The following LRP1B variants were observed in gnomAD, a reference collection of about 807,000 sequenced individuals.
The protein encoded by LRP1B is low-density lipoprotein receptor-related protein 1B.
In LRP1B, 217 loss-of-function variants were observed where a neutral mutation model predicts 556.6. That is an observed-to-expected ratio of 0.39 (90% CI 0.35 to 0.44). The LOEUF is 0.44. Among genes scored for constraint, LRP1B ranks in the 20% least tolerant of loss-of-function variants. The probability of loss-of-function intolerance (pLI) is 1.00; values close to 1 mark genes in which losing one functional copy is unlikely to be tolerated. For missense variants in LRP1B, 5,053 were observed against 5,620.8 expected (o/e 0.90, Z 3.23); for synonymous variants, 2,047 against 1,865.8 (o/e 1.10, Z -2.50).
intron 41 of LRP1B, chr2:140,683,840 G>T (rs1459449659): frequency 9.4e-6 from 6 of 641,044 alleles, no homozygotes; most frequent in South Asian, 1.7e-5. Context: ...GGCAGCAGCC[G>T]ACCCCGAAAC....
rs186201742 is a variant in LRP1B at position 140,326,395 on chromosome 2, T to C, written c.12224-517A>G. On this transcript the variant is annotated intron_variant, in intron 79 of 90. Coordinates refer to ENST00000389484, the MANE Select transcript of LRP1B (RefSeq NM_018557.3). ...CATTCAGAGTTGGCCAACGGTGTTA[T>C]CGGATATCTGTGTGCATGCTGAAGT... Among the ~76,000 whole-genome samples, 283 of 152,264 alleles carry C rather than the reference T, an allele frequency of 1.9e-3. 1 individual carries two copies. The highest frequency in any genetic ancestry group is 6.4e-3 in the African/African-American group (268 of 41,574).
chr2:140,547,503 C>T (rs185690904), intron 43 of LRP1B, among the ~76,000 whole-genome samples: 34 of 152,108 alleles, frequency 2.2e-4, no homozygotes, highest in African/African-American at 8.2e-4. Flanking sequence ...GGTAATATCT[C>T]CTTTCTCGTT....
chr2:141,368,679 A>G (rs1192934210), intron 3 of LRP1B, among the ~76,000 whole-genome samples: 1 of 152,196 alleles, frequency 6.6e-6, no homozygotes, highest in Non-Finnish European at 1.5e-5. Context: ...TACTGAAATG[A>G]TAATGCTTTA....
chr2:141,914,231 G>A lies in LRP1B; in HGVS notation c.83-103830C>T, dbSNP rs912971569. On this transcript the variant is annotated intron_variant, in intron 1 of 90. Coordinates refer to ENST00000389484, the MANE Select transcript of LRP1B (RefSeq NM_018557.3). ...TGCAAACCTAAATTAATAGATAAAA[G>A]GATATAAATGTTAAATAAGCATTAC... 2.0e-5 allele frequency among the ~76,000 whole-genome samples: 3 copies of A among 152,200 alleles called. No homozygotes were observed. The East Asian group carries it at 5.8e-4, about 29-fold the overall frequency.
At chr2:141,073,792 C>G (rs949141895) in intron 7 of LRP1B, among the ~76,000 whole-genome samples, 3 of 152,066 alleles carry the variant, frequency 2.0e-5, no homozygotes, top group Non-Finnish European at 2.9e-5. Flanking sequence ...ACTGTATCCT[C>G]TATGTCCAAC....
intron 41 of LRP1B, among the ~76,000 whole-genome samples, chr2:140,637,509 C>G (rs910302987): frequency 2.0e-5 from 3 of 152,194 alleles, no homozygotes; most frequent in Admixed American, 2.0e-4. Context: ...GCTGTTAAGC[C>G]AAACAGCTTT....
intron 1 of LRP1B, among the ~76,000 whole-genome samples, chr2:141,932,209 T>G (rs1276742099): frequency 6.6e-6 from 1 of 152,072 alleles, no homozygotes; most frequent in Admixed American, 6.6e-5. Flanking sequence ...TACTTCATAT[T>G]TCTTGAGTGT....
chr2:141,083,438 G>A (rs1699974029), intron 7 of LRP1B, among the ~76,000 whole-genome samples: 1 of 150,172 alleles, frequency 6.7e-6, no homozygotes, highest in African/African-American at 2.5e-5. Context: ...TACTAAATAA[G>A]ATAAAGTTTT....
chr2:140,748,789 A>G (rs577920334), intron 35 of LRP1B, among the ~76,000 whole-genome samples: 78 of 46,048 alleles, frequency 1.7e-3, no homozygotes, highest in African/African-American at 5.2e-3. Context: ...TATATAATAT[A>G]TATTATATAC....
rs190389608 is a variant in LRP1B at position 141,769,827 on chromosome 2, G to A, written c.205+40452C>T. Among the ~76,000 whole-genome samples, 5 of 94,726 alleles carry A rather than the reference G, an allele frequency of 5.3e-5. No individual in the cohort carries two copies. In the East Asian group the frequency reaches 1.2e-3, roughly 22 times the overall value. The allele number at this position is 94,726 out of a possible 152,430, so 62.1% of individuals were successfully genotyped here. On this transcript the variant is annotated intron_variant, in intron 2 of 90. Transcript: ENST00000389484. ...CTATACGCTGGGGTTACTGAGACAGGGACTGTTAGAGCTAGATGGAACCTT... is the reference window on the plus strand; with the variant it reads ...CTATACGCTGGGGTTACTGAGACAGAGACTGTTAGAGCTAGATGGAACCTT...
At chr2:140,562,920 A>AT (rs575876534) in intron 43 of LRP1B, among the ~76,000 whole-genome samples, 183 of 152,214 alleles carry the variant, frequency 1.2e-3, no homozygotes, top group African/African-American at 3.5e-3. Flanking sequence ...CCCAGCTGAG[A>AT]TTTTTTTAAG....
At chr2:140,798,347 C>T in intron 32 of LRP1B, among the ~76,000 whole-genome samples, 1 of 152,078 alleles carries the variant, frequency 6.6e-6, no homozygotes, top group East Asian at 1.9e-4. Context: ...GATTAAATTA[C>T]ATTTAAAAGA....
At chr2:141,467,124 C>CTA (rs1288032611) in intron 3 of LRP1B, among the ~76,000 whole-genome samples, 42 of 8,606 alleles carry the variant, frequency 4.9e-3, no homozygotes, top group African/African-American at 6.4e-3. Flanking sequence ...ATATATATAT[C>CTA]TATATATATA....
chr2:141,640,593 G>A (rs1196197606), intron 2 of LRP1B, among the ~76,000 whole-genome samples: 1 of 152,094 alleles, frequency 6.6e-6, no homozygotes, highest in Non-Finnish European at 1.5e-5. Flanking sequence ...ATCACTTGAG[G>A]TCAAGAGTTT....
chr2:141,294,459 A>G (rs930948213), intron 3 of LRP1B, among the ~76,000 whole-genome samples: 27 of 152,124 alleles, frequency 1.8e-4, no homozygotes, highest in Non-Finnish European at 2.9e-4. Flanking sequence ...GCTGTGGCTC[A>G]TGCCTGTAAT....
chr2:140,938,841 A>T (rs1695309611), intron 20 of LRP1B, among the ~76,000 whole-genome samples: 1 of 152,116 alleles, frequency 6.6e-6, no homozygotes, highest in African/African-American at 2.4e-5. Context: ...TATATACAGA[A>T]AAATTTAAAA....
At chr2:140,391,420 G>A (rs1684013951) in intron 66 of LRP1B, among the ~76,000 whole-genome samples, 1 of 152,126 alleles carries the variant, frequency 6.6e-6, no homozygotes, top group Non-Finnish European at 1.5e-5. Context: ...AAGTATCTGG[G>A]TAGAAGAAAA....
chr2:141,604,715 G>C (rs1043041483), intron 2 of LRP1B, among the ~76,000 whole-genome samples: 1 of 151,898 alleles, frequency 6.6e-6, no homozygotes, highest in African/African-American at 2.4e-5. Context: ...CCTATTCTGA[G>C]CCCACAAAAG....
intron 60 of LRP1B, among the ~76,000 whole-genome samples, chr2:140,471,751 T>C (rs568477600): frequency 1.3e-4 from 20 of 152,276 alleles, no homozygotes; most frequent in Non-Finnish European, 1.8e-4. Flanking sequence ...ACACCATCAA[T>C]AGCTCCCTGT....
Sources: gnomAD v4.1 joint callset for allele counts (sites outside exome capture counted in the v4.1 genomes callset) on GRCh38, gnomAD v4.1.1 for gene constraint, MANE v1.5 for transcripts, NCBI Gene and HGNC (gene_info 2026-07-23, HGNC 2026-07-21) for gene names.